The following IL12RB2 variants were observed in gnomAD, a reference collection of about 807,000 sequenced individuals.
IL12RB2 encodes interleukin-12 receptor subunit beta-2.
A neutral mutation model predicts 89.4 loss-of-function variants in IL12RB2; 82 were observed. The observed-to-expected ratio is 0.92, with a 90% CI of 0.77 to 1.10. The LOEUF is 1.10. Ranked by LOEUF, IL12RB2 falls within the 50% of genes least tolerant of loss-of-function variation. The pLI is 0.00. For synonymous variants in IL12RB2, 368 were observed against 370.1 expected (o/e 0.99, Z 0.07); for missense variants, 963 against 1,031.9 (o/e 0.93, Z 0.92).
At chr1:67,373,959 T>C in intron 13 of IL12RB2, among the ~76,000 whole-genome samples, 1 of 152,302 alleles carries the variant, frequency 6.6e-6, no homozygotes, top group South Asian at 2.1e-4. Flanking sequence ...ATTTTTATTA[T>C]ATAAATAATA....
intron 10 of IL12RB2, among the ~76,000 whole-genome samples, chr1:67,364,069 A>T (rs1305026192): frequency 6.6e-6 from 1 of 152,236 alleles, no homozygotes; most frequent in East Asian, 1.9e-4. Context: ...ACCCAACTAT[A>T]GTTGTCTATA....
intron 9 of IL12RB2, among the ~76,000 whole-genome samples, chr1:67,348,569 G>C (rs1198328755): frequency 3.3e-5 from 5 of 151,928 alleles, no homozygotes; most frequent in Admixed American, 2.0e-4. Flanking sequence ...CTTCCAGTTT[G>C]GTGGTTCCTT....
At position 67,390,124 on chromosome 1, in the gene IL12RB2, C is replaced by T. The variant is rs1356540086; in HGVS notation, c.2042C>T (p.Ala681Val). 8 of 1,113,424 alleles carry T rather than the reference C, an allele frequency of 7.2e-6. No homozygotes were observed. In the East Asian group the frequency reaches 9.4e-5, roughly 13 times the overall value. The allele number at this position is 1,113,424 out of a possible 1,614,324, so 69.0% of individuals were successfully genotyped here. A position where few individuals can be genotyped will look rare whatever the true frequency, so the allele number is the denominator to read the frequency against. Residue 681 changes from alanine to valine, a missense_variant, in exon 16 of 17, where the codon GCA becomes GTA. Physicochemically the swap from Ala to Val is moderately conservative, Grantham distance 64 (BLOSUM62 0). Transcript: ENST00000674203. ...NSTCAKKYPI[A>V]EEKTQLPLDR... ...ACTTGCGCTAAGAAATATCCCATTG[C>T]AGAGGTAAGGTACAATTCCTCTGTG...
chr1:67,329,400 T>G (rs754666381), intron 6 of IL12RB2, among the ~76,000 whole-genome samples, 187 bp from the exon 7 acceptor site: 3 of 152,234 alleles, frequency 2.0e-5, no homozygotes, highest in Non-Finnish European at 4.4e-5. Context: ...GATTCAGAAG[T>G]GAATCCAGCT....
intron 10 of IL12RB2, among the ~76,000 whole-genome samples, chr1:67,354,923 G>A (rs1016360037): frequency 2.6e-5 from 4 of 152,200 alleles, no homozygotes; most frequent in Non-Finnish European, 5.9e-5. Context: ...TGTATATCAA[G>A]AGGCACAAGA....
chr1:67,350,788 C>T (rs1488864525), intron 9 of IL12RB2, 82 bp from the exon 10 acceptor site: 67 of 1,579,342 alleles, frequency 4.2e-5, no homozygotes, highest in Non-Finnish European at 3.8e-5. Context: ...CTGCCTAGTA[C>T]ATCTGTACCC....
chr1:67,393,954 G>C (rs557440021), intron 16 of IL12RB2, among the ~76,000 whole-genome samples: 1 of 152,186 alleles, frequency 6.6e-6, no homozygotes, highest in Non-Finnish European at 1.5e-5. Context: ...ACAGCACAAA[G>C]TATCACATGC....
intron 2 of IL12RB2, among the ~76,000 whole-genome samples, chr1:67,318,089 G>A (rs577027199): frequency 6.6e-6 from 1 of 152,286 alleles, no homozygotes; most frequent in South Asian, 2.1e-4. Context: ...GCCACACGAA[G>A]ACGCAAGGGA....
intron 8 of IL12RB2, among the ~76,000 whole-genome samples, chr1:67,331,511 A>G (rs563662964): frequency 6.6e-6 from 1 of 152,308 alleles, no homozygotes; most frequent in African/African-American, 2.4e-5. Flanking sequence ...ATCTTTGGAG[A>G]CACAAGAAAT....
intron 2 of IL12RB2, among the ~76,000 whole-genome samples, chr1:67,316,550 G>A (rs921579469): frequency 6.6e-6 from 1 of 152,118 alleles, no homozygotes; most frequent in Non-Finnish European, 1.5e-5. Context: ...ACATTTGAGA[G>A]TAAAATCTAG....
intron 9 of IL12RB2, among the ~76,000 whole-genome samples, chr1:67,349,738 T>C (rs961670855): frequency 6.6e-6 from 1 of 152,200 alleles, no homozygotes; most frequent in Admixed American, 6.5e-5. Context: ...TAGATGCTCA[T>C]GGATTAATTT....
At chr1:67,338,336 C>CAAAAAAAAAAAAAAAAAAAAAAAAAAA (rs572505092) in intron 8 of IL12RB2, among the ~76,000 whole-genome samples, 3 of 40,112 alleles carry the variant, frequency 7.5e-5, no homozygotes, top group Non-Finnish European at 1.1e-4. Context: ...GATCCTGTCT[C>CAAAAAAAAAAAAAAAAAAAAAAAAAAA]AAAAAAAAAA....
At chr1:67,312,599 A>G (rs141402790) in intron 1 of IL12RB2, among the ~76,000 whole-genome samples, 20 of 152,144 alleles carry the variant, frequency 1.3e-4, no homozygotes, top group African/African-American at 4.6e-4. Context: ...GGAAATAAAG[A>G]CAAACAGAAT....
At chr1:67,340,970 T>C (rs1659459484) in intron 9 of IL12RB2, among the ~76,000 whole-genome samples, 1 of 152,224 alleles carries the variant, frequency 6.6e-6, no homozygotes, top group Admixed American at 6.5e-5. Flanking sequence ...GGGGATATTC[T>C]GGGACAGGGA....
chr1:67,308,735 A>G (rs1201049476), intron 1 of IL12RB2, among the ~76,000 whole-genome samples: 2 of 152,214 alleles, frequency 1.3e-5, no homozygotes, highest in Admixed American at 6.5e-5. Context: ...GTCTAAGAAC[A>G]GGGTCCCGGC....
At chr1:67,378,394 G>T (rs1458467995) in intron 13 of IL12RB2, among the ~76,000 whole-genome samples, 1 of 152,116 alleles carries the variant, frequency 6.6e-6, no homozygotes, top group Non-Finnish European at 1.5e-5. Flanking sequence ...AACTGCAGGG[G>T]TGTTGAGAAC....
At chr1:67,335,069 A>G (rs1001486406) in intron 8 of IL12RB2, among the ~76,000 whole-genome samples, 1 of 152,210 alleles carries the variant, frequency 6.6e-6, no homozygotes, top group African/African-American at 2.4e-5. Context: ...CTCTAAGCTC[A>G]GCACCTATCT....
intron 14 of IL12RB2, among the ~76,000 whole-genome samples, chr1:67,383,963 C>G (rs1460254185): frequency 3.3e-5 from 5 of 152,246 alleles, no homozygotes; most frequent in African/African-American, 1.2e-4. Context: ...AGCCCCCTCC[C>G]AACTGCCTTC....
At chr1:67,363,319 C>A (rs560189739) in intron 10 of IL12RB2, among the ~76,000 whole-genome samples, 1 of 147,668 alleles carries the variant, frequency 6.8e-6, no homozygotes, top group Non-Finnish European at 1.5e-5. Context: ...CAGGTTCAAG[C>A]GATTCTCCTG....
Sources: allele counts gnomAD v4.1 joint callset (sites outside exome capture counted in the v4.1 genomes callset), GRCh38; gene constraint gnomAD v4.1.1; transcripts MANE v1.5; gene names NCBI Gene and HGNC (gene_info 2026-07-23, HGNC 2026-07-21).